IQGAP1: variants seen among roughly 807,000 people sequenced by gnomAD.
The protein encoded by IQGAP1 is ras GTPase-activating-like protein IQGAP1.
In IQGAP1, 66 loss-of-function variants were observed where a neutral mutation model predicts 215.6. That is an observed-to-expected ratio of 0.31 (90% CI 0.25 to 0.38). IQGAP1 has a LOEUF of 0.38. Ranked by LOEUF, IQGAP1 falls within the 10% of genes least tolerant of loss-of-function variation. The pLI is 1.00. For missense variants in IQGAP1, 1,712 were observed against 1,997.1 expected (o/e 0.86, Z 2.72); for synonymous variants, 772 against 728.7 (o/e 1.06, Z -0.96).
chr15:90,472,045 T>A (rs560515047), intron 18 of IQGAP1, among the ~76,000 whole-genome samples: 1 of 152,280 alleles, frequency 6.6e-6, no homozygotes, highest in Admixed American at 6.5e-5. Flanking sequence ...TTCCTAACAG[T>A]ATTGTTTTTC....
chr15:90,432,210 G>T (rs1233746042), intron 4 of IQGAP1, among the ~76,000 whole-genome samples: 1 of 152,018 alleles, frequency 6.6e-6, no homozygotes, highest in Non-Finnish European at 1.5e-5. Context: ...TTCCCCAACT[G>T]AACTTCCCTT....
In IQGAP1 at chr15:90,388,405, G is replaced by T; in HGVS notation, c.55+9G>T. 6.4e-7 allele frequency: 1 copy of T among 1,571,778 alleles called. No homozygotes were observed. The highest frequency in any genetic ancestry group is 8.6e-7 in the Non-Finnish European group (1 of 1,162,680). On this transcript the variant is annotated intron_variant, in intron 1 of 37. Coordinates refer to ENST00000268182, the MANE Select transcript of IQGAP1 (RefSeq NM_003870.4). ...CCGGCCGCACTATGGCTGTGAGTGC[G>T]GGGCTCCGCGGCGCGGGGGCTTCGG...
At chr15:90,409,613 G>A (rs1352111834) in intron 2 of IQGAP1, among the ~76,000 whole-genome samples, 1 of 152,122 alleles carries the variant, frequency 6.6e-6, no homozygotes, top group African/African-American at 2.4e-5. Context: ...GAACTCAAGT[G>A]TTCTACTCAC....
At chr15:90,484,133 CATT>C (rs1966094378) in intron 29 of IQGAP1, 84 bp from the exon 30 acceptor site, 1 of 1,186,270 alleles carries the variant, frequency 8.4e-7, no homozygotes, top group Non-Finnish European at 1.2e-6. Context: ...TGTTTGCACT[CATT>C]GTGTGAGAGG....
chr15:90,433,856 GT>G, intron 5 of IQGAP1, 61 bp downstream of exon 5: 1 of 978,038 alleles, frequency 1.0e-6, no homozygotes, highest in Non-Finnish European at 1.5e-6. Flanking sequence ...TGAGTGTGTA[GT>G]TTTTTATCCT....
At chr15:90,466,811 G>A (rs1010512305) in intron 17 of IQGAP1, among the ~76,000 whole-genome samples, 23 of 152,226 alleles carry the variant, frequency 1.5e-4, no homozygotes, top group Non-Finnish European at 2.9e-5. Flanking sequence ...AAAAAACTGG[G>A]CCGGGTGCGG....
intron 2 of IQGAP1, among the ~76,000 whole-genome samples, chr15:90,399,733 G>A (rs750520173): frequency 9.9e-5 from 15 of 152,020 alleles, no homozygotes; most frequent in Non-Finnish European, 1.9e-4. Flanking sequence ...AACTTATCCC[G>A]AACTTCTGGC....
chr15:90,498,657 T>C (rs1281423575), intron 37 of IQGAP1, among the ~76,000 whole-genome samples: 1 of 152,004 alleles, frequency 6.6e-6, no homozygotes, highest in Non-Finnish European at 1.5e-5. Flanking sequence ...CTTTCTTTTT[T>C]TGGAGGGGGG....
intron 17 of IQGAP1, among the ~76,000 whole-genome samples, chr15:90,466,968 T>C (rs1048396417): frequency 1.3e-5 from 2 of 152,088 alleles, no homozygotes; most frequent in African/African-American, 4.8e-5. Context: ...GGCGTGTGCC[T>C]GTAATCCCAG....
In IQGAP1 at chr15:90,426,918, A is replaced by G. The variant is rs993363751; in HGVS notation, c.312+652A>G. Among the ~76,000 whole-genome samples the G allele has an allele frequency of 2.8e-5, 4 of 144,274 alleles. No homozygotes were observed. The Admixed American group carries it at 2.9e-4, about 11-fold the overall frequency. The allele number at this position is 144,274 out of a possible 152,430, so 94.6% of individuals were successfully genotyped here. The stretch of plus-strand genomic sequence containing the variant: ...CAGTGAGCCGAGATCATGACACTGC[A>G]CTCCAGCCCTGGGTGTCAGAGTGAG... On this transcript the variant is annotated intron_variant, in intron 3 of 37. Coordinates refer to ENST00000268182, the MANE Select transcript of IQGAP1 (RefSeq NM_003870.4).
chr15:90,439,811 A>C (rs1246496722), intron 6 of IQGAP1, among the ~76,000 whole-genome samples: 1 of 152,162 alleles, frequency 6.6e-6, no homozygotes, highest in Non-Finnish European at 1.5e-5. Context: ...AAAGATGCCA[A>C]TTTAGTAATT....
At position 90,440,481 on chromosome 15, in the gene IQGAP1, AT is replaced by A; in HGVS notation, c.536-19del. 1 of 1,504,248 alleles carries A rather than the reference AT, an allele frequency of 6.6e-7. No individual in the cohort carries two copies. The highest frequency in any genetic ancestry group is 9.1e-7 in the Non-Finnish European group (1 of 1,102,276). The allele number at this position is 1,504,248 out of a possible 1,614,324, so 93.2% of individuals were successfully genotyped here. ...GAAGGGTGCTTAGCTTGATTGACTG[AT>A]TATTAATTCCCTCCTGTAGAAGAAG... On this transcript the variant is annotated intron_variant, in intron 6 of 37. Transcript: ENST00000268182.
chr15:90,472,890 G>A lies in IQGAP1; in HGVS notation c.2229G>A (p.Leu743=), dbSNP rs1295898262. ...CATATAACCGAGAACAGCTGTGGCT[G>A]GCCAATGAAGGCCTGATCACCAGGC... The part of the protein sequence containing the change: ...TAAYNREQLW[L]ANEGLITRLQ... Residue 743 remains leucine, a synonymous_variant, in exon 19 of 38, where the codon CTG becomes CTA. Coordinates refer to ENST00000268182, the MANE Select transcript of IQGAP1 (RefSeq NM_003870.4). 1.2e-6 allele frequency: 2 copies of A among 1,613,894 alleles called. No homozygotes were observed. Among genetic ancestry groups the A allele is most frequent in the East Asian group, 2.2e-5 (1 of 44,882 alleles).
chr15:90,406,489 G>A (rs1008360616), intron 2 of IQGAP1, among the ~76,000 whole-genome samples: 9 of 152,188 alleles, frequency 5.9e-5, no homozygotes, highest in African/African-American at 2.2e-4. Flanking sequence ...TGATGAAAGT[G>A]TTCTGGAATT....
intron 13 of IQGAP1, among the ~76,000 whole-genome samples, chr15:90,453,635 A>G (rs1009267598): frequency 1.3e-5 from 2 of 152,234 alleles, no homozygotes; most frequent in Admixed American, 1.3e-4. Flanking sequence ...AACAAGATCT[A>G]GCCTAGGAAC....
In IQGAP1 at chr15:90,440,571, T is replaced by C. The variant is rs1567126917; in HGVS notation, c.605T>C (p.Ile202Thr). 4.5e-6 allele frequency: 7 copies of C among 1,570,282 alleles called. No individual in the cohort carries two copies. The highest frequency in any genetic ancestry group is 5.2e-6 in the Non-Finnish European group (6 of 1,156,020). ...ATCCAGATGCCTGCCTTTAGCAAGA[T>C]TGGGGGCATCTTGGCTAATGAACTG... ...YGIQMPAFSKIGGILANELSV... is the reference protein window; with the variant it reads ...YGIQMPAFSKTGGILANELSV... Residue 202 changes from isoleucine to threonine, a missense_variant, in exon 7 of 38, where the codon ATT (isoleucine) becomes ACT (threonine). Transcript: ENST00000268182.
intron 9 of IQGAP1, among the ~76,000 whole-genome samples, chr15:90,445,186 G>C (rs1291929203): frequency 6.6e-6 from 1 of 151,544 alleles, no homozygotes; most frequent in East Asian, 1.9e-4. Flanking sequence ...GTACTGACCT[G>C]GTATTTGATC....
chr15:90,494,675 G>A, intron 35 of IQGAP1, 38 bp from the exon 36 acceptor site: 1 of 1,558,732 alleles, frequency 6.4e-7, no homozygotes, highest in South Asian at 1.2e-5. Context: ...CAGAGTAGAT[G>A]GTTACTTATA....
At position 90,477,230 on chromosome 15, in the gene IQGAP1, A is replaced by C; in HGVS notation, c.3104A>C (p.Lys1035Thr). 1.2e-6 allele frequency: 2 copies of C among 1,613,738 alleles called. No homozygotes were observed. The highest frequency in any genetic ancestry group is 2.2e-5 in the South Asian group (2 of 91,012). Reference sequence around the variant, plus strand: ...AAGACAGCACTCCAAGAGGAAATCAAGTATGAACAGATTTCCTCAGGGCAC... The same window carrying C: ...AAGACAGCACTCCAAGAGGAAATCACGTATGAACAGATTTCCTCAGGGCAC... ...LFKTALQEEI[K>T]SKVDQIQEIV... Residue 1035 changes from lysine (K) to threonine (T), a missense_variant and splice_region_variant, in exon 25 of 38, where the codon AAG (lysine) becomes ACG (threonine). By Grantham distance (78) the Lys-to-Thr change is moderately conservative (BLOSUM62 -1). Around this residue, in one of 2 missense-constraint regions of IQGAP1, gnomAD observed 691 missense variants for 923.0 expected, o/e 0.75. Transcript: ENST00000268182.
Sources: gnomAD v4.1 joint callset for allele counts (sites outside exome capture counted in the v4.1 genomes callset) on GRCh38, gnomAD v4.1.1 for gene constraint, gnomAD v4.1.1 regional missense constraint, MANE v1.5 for transcripts, NCBI Gene and HGNC (gene_info 2026-07-23, HGNC 2026-07-21) for gene names.